Variants in CPNE4 observed in about 807,000 individuals in gnomAD.
The protein encoded by CPNE4 is copine 4, also known as copine-4.
Under a neutral mutation model 67.9 loss-of-function variants are expected in CPNE4, and 25 were observed. The observed-to-expected ratio is 0.37, with a 90% CI of 0.27 to 0.51. CPNE4 has a LOEUF of 0.51. CPNE4 is among the 20% of genes least tolerant of loss of function. The pLI is 0.93. For synonymous variants in CPNE4, 242 were observed against 244.9 expected (o/e 0.99, Z 0.11); for missense variants, 464 against 690.8 (o/e 0.67, Z 3.68).
At chr3:131,714,625 C>A (rs968473888) in intron 3 of CPNE4, among the ~76,000 whole-genome samples, 1 of 152,192 alleles carries the variant, frequency 6.6e-6, no homozygotes, top group Non-Finnish European at 1.5e-5. Context: ...TGGGGCAGGG[C>A]TTCTCAAAGT....
chr3:132,008,921 G>A (rs772034449), intron 1 of CPNE4, among the ~76,000 whole-genome samples: 23 of 152,062 alleles, frequency 1.5e-4, no homozygotes, highest in Non-Finnish European at 2.8e-4. Flanking sequence ...TTGCATCCTG[G>A]GATTATTAAA....
At chr3:131,811,827 C>T (rs1028822378) in intron 2 of CPNE4, among the ~76,000 whole-genome samples, 9 of 152,146 alleles carry the variant, frequency 5.9e-5, no homozygotes, top group African/African-American at 1.9e-4. Context: ...AGTGCATCAT[C>T]TCACTTAACC....
At chr3:131,955,289 C>A (rs9853545) in intron 1 of CPNE4, among the ~76,000 whole-genome samples, 62,889 of 151,370 alleles carry the variant, frequency 0.42, 13,763 homozygotes, top group East Asian at 0.53. Flanking sequence ...TGTATTTCAT[C>A]ATATTATGTA....
At chr3:131,989,440 A>T (rs2107648120) in intron 1 of CPNE4, among the ~76,000 whole-genome samples, 1 of 85,680 alleles carries the variant, frequency 1.2e-5, no homozygotes, top group Non-Finnish European at 3.2e-5. Flanking sequence ...TTTAACTACA[A>T]ATACATGTAT....
At chr3:131,863,428 A>G (rs144915838) in intron 2 of CPNE4, among the ~76,000 whole-genome samples, 91,098 of 152,052 alleles carry the variant, frequency 0.6, 27,717 homozygotes, top group Admixed American at 0.71. Context: ...GTATCTCACT[A>G]TGGTTTCGAT....
intron 2 of CPNE4, among the ~76,000 whole-genome samples, chr3:131,735,153 C>T (rs2082206743): frequency 6.6e-6 from 1 of 152,154 alleles, no homozygotes; most frequent in East Asian, 1.9e-4. Flanking sequence ...CTCACAACAT[C>T]TGAAACAAAA....
At chr3:131,569,202 G>C (rs1937208424) in intron 10 of CPNE4, among the ~76,000 whole-genome samples, 1 of 151,926 alleles carries the variant, frequency 6.6e-6, no homozygotes, top group Non-Finnish European at 1.5e-5. Flanking sequence ...AGTAAGCAGG[G>C]CTCACTAAGC....
intron 1 of CPNE4, among the ~76,000 whole-genome samples, chr3:131,916,957 C>T (rs1381659458): frequency 6.6e-6 from 1 of 152,040 alleles, no homozygotes; most frequent in Non-Finnish European, 1.5e-5. Context: ...AGACTGGATG[C>T]GGAAGTGCTC....
chr3:131,782,677 T>C (rs912222958), intron 2 of CPNE4, among the ~76,000 whole-genome samples: 10 of 152,090 alleles, frequency 6.6e-5, no homozygotes, highest in African/African-American at 2.2e-4. Flanking sequence ...GTTTCCTTCA[T>C]AGGGAATGAT....
At chr3:131,946,970 C>T (rs149232160) in intron 1 of CPNE4, among the ~76,000 whole-genome samples, 79 of 152,236 alleles carry the variant, frequency 5.2e-4, no homozygotes, top group African/African-American at 1.9e-3. Context: ...GTCTTTCTCC[C>T]ACGGAAAGGT....
chr3:131,746,729 A>C (rs980465083), intron 2 of CPNE4, among the ~76,000 whole-genome samples: 21 of 152,136 alleles, frequency 1.4e-4, no homozygotes, highest in Admixed American at 1.4e-3. Context: ...ATGGCAATAG[A>C]GATAGGAGTG....
At chr3:131,872,700 C>A (rs184423221) in intron 2 of CPNE4, among the ~76,000 whole-genome samples, 1 of 152,338 alleles carries the variant, frequency 6.6e-6, no homozygotes, top group Admixed American at 6.5e-5. Flanking sequence ...CTGTCTGGTT[C>A]TCTCTGTCTC....
At chr3:131,653,338 T>C (rs1029787194) in intron 7 of CPNE4, among the ~76,000 whole-genome samples, 4 of 151,676 alleles carry the variant, frequency 2.6e-5, no homozygotes, top group Non-Finnish European at 4.4e-5. Flanking sequence ...TTAGTACAGA[T>C]GGGGTTTCAC....
chr3:131,561,820 C>T (rs1936784882), intron 11 of CPNE4, among the ~76,000 whole-genome samples: 1 of 152,006 alleles, frequency 6.6e-6, no homozygotes, highest in Non-Finnish European at 1.5e-5. Context: ...CTCTGCCTGT[C>T]TATTGTCTAT....
chr3:131,702,473 T>C (rs961174450), intron 3 of CPNE4, among the ~76,000 whole-genome samples: 9 of 152,174 alleles, frequency 5.9e-5, no homozygotes, highest in African/African-American at 1.9e-4. Flanking sequence ...CTGTAAGCAG[T>C]AGCCAGGACA....
intron 7 of CPNE4, among the ~76,000 whole-genome samples, chr3:131,627,736 A>C (rs1431906110): frequency 6.6e-6 from 1 of 152,248 alleles, no homozygotes; most frequent in Non-Finnish European, 1.5e-5. Flanking sequence ...GGAATTCAAG[A>C]CTTCAGTGGA....
intron 7 of CPNE4, among the ~76,000 whole-genome samples, chr3:131,646,897 T>C (rs2079682110): frequency 6.6e-6 from 1 of 152,210 alleles, no homozygotes; most frequent in African/African-American, 2.4e-5. Flanking sequence ...GGAATATCTT[T>C]GTTACCTTGG....
intron 2 of CPNE4, among the ~76,000 whole-genome samples, chr3:131,847,689 G>A (rs2086057689): frequency 2.0e-5 from 3 of 152,140 alleles, no homozygotes; most frequent in Non-Finnish European, 4.4e-5. Context: ...TTAGTGCTCT[G>A]TCAACTCAAG....
chr3:131,872,074 C>T (rs939705099), intron 2 of CPNE4, among the ~76,000 whole-genome samples: 6 of 152,084 alleles, frequency 3.9e-5, no homozygotes, highest in African/African-American at 1.2e-4. Context: ...TTTGTAACTG[C>T]CTCAAACAAC....
Sources: gnomAD v4.1 joint callset for allele counts (sites outside exome capture counted in the v4.1 genomes callset) on GRCh38, gnomAD v4.1.1 for gene constraint, MANE v1.5 for transcripts, NCBI Gene and HGNC (gene_info 2026-07-23, HGNC 2026-07-21) for gene names.